Variants in TERF1 observed in about 807,000 individuals in gnomAD.
TERF1 encodes the protein telomeric repeat binding factor 1, also known as telomeric repeat-binding factor 1.
In TERF1, 20 loss-of-function variants were observed where a neutral mutation model predicts 55.1. That is an observed-to-expected ratio of 0.36 (90% CI 0.26 to 0.53). The LOEUF is 0.53. Ranked by LOEUF, TERF1 falls within the 20% of genes least tolerant of loss-of-function variation. The probability of loss-of-function intolerance (pLI) is 0.91; values close to 1 mark genes in which losing one functional copy is unlikely to be tolerated. For synonymous variants in TERF1, 168 were observed against 181.2 expected, an observed-to-expected ratio of 0.93 and a Z score of 0.59; for missense variants, 439 against 535.7, an observed-to-expected ratio of 0.82 and a Z score of 1.78.
At chr8:73,043,456 T>G (rs965603619) in intron 9 of TERF1, 1 of 152,174 alleles carries the variant, frequency 6.6e-6, no homozygotes, top group Non-Finnish European at 1.5e-5. Flanking sequence ...GTGAGCAAAA[T>G]TTTTCTATAA....
chr8:73,027,990 A>G (rs939440579), intron 6 of TERF1, among the ~76,000 whole-genome samples: 2 of 152,190 alleles, frequency 1.3e-5, no homozygotes, highest in African/African-American at 4.8e-5. Flanking sequence ...AGGCTGTACT[A>G]AAGTCTTATT....
intron 2 of TERF1, among the ~76,000 whole-genome samples, chr8:73,017,621 A>C (rs552489417): frequency 6.6e-6 from 1 of 151,974 alleles, no homozygotes; most frequent in Non-Finnish European, 1.5e-5. Flanking sequence ...TCCTACTTAG[A>C]GTTAATACCA....
At chr8:73,028,838 G>A (rs757696532) in intron 6 of TERF1, among the ~76,000 whole-genome samples, 7 of 152,000 alleles carry the variant, frequency 4.6e-5, no homozygotes, top group Admixed American at 1.3e-4. Flanking sequence ...ACTTATCTTC[G>A]TTGGTAACTT....
At chr8:73,037,737 A>T (rs1341556898) in intron 8 of TERF1, among the ~76,000 whole-genome samples, 7 of 83,542 alleles carry the variant, frequency 8.4e-5, no homozygotes, top group African/African-American at 4.2e-4. Flanking sequence ...ATATAGTATG[A>T]AATATATATT....
chr8:73,038,710 A>G (rs1809707308), intron 8 of TERF1: 3 of 923,618 alleles, frequency 3.2e-6, no homozygotes, highest in East Asian at 1.2e-4. Flanking sequence ...TTTCAGTTAC[A>G]TATATTTGTC....
At position 73,039,217 on chromosome 8, in the gene TERF1, C is replaced by A. The variant is rs775002331; in HGVS notation, c.1141C>A (p.Gln381Lys). Residue 381 changes from glutamine (Q) to lysine (K), a missense_variant and splice_region_variant, in exon 9 of 10, where the codon CAG (glutamine) becomes AAG (lysine). Gln to Lys is a moderately conservative substitution (Grantham distance 53, BLOSUM62 1). Transcript: ENST00000276603. Reference sequence around the variant, plus strand: ...TGAAAAACATCGAGCTAGAAAAAGACAGGTATTTGGTTTTTTAAAATTCGA... The same window carrying A: ...TGAAAAACATCGAGCTAGAAAAAGAAAGGTATTTGGTTTTTTAAAATTCGA... ...TPEKHRARKR[Q>K]AWLWEEDKNL... 2.5e-6 allele frequency: 4 copies of A among 1,595,846 alleles called. No homozygotes were observed. In the Admixed American group the frequency reaches 5.2e-5, roughly 21 times the overall value.
chr8:73,030,408 G>C lies in TERF1; in HGVS notation c.947+13G>C, dbSNP rs1452848547. 4.8e-6 allele frequency: 7 copies of C among 1,471,090 alleles called. No homozygotes were observed. The highest frequency in any genetic ancestry group is 6.3e-6 in the Non-Finnish European group (7 of 1,112,020). 91.1% of individuals were successfully genotyped at this position (1,471,090 alleles called of 1,614,324 possible). A position where few individuals can be genotyped will look rare whatever the true frequency, so the allele number is the denominator to read the frequency against. On this transcript the variant is annotated intron_variant, in intron 7 of 9. Transcript: ENST00000276603. ...TATCCTTATTGAGGTGAAGTAAATT[G>C]ACGTTTTTCTTCTTTGTCTTTCAAA...
intron 2 of TERF1, among the ~76,000 whole-genome samples, chr8:73,019,552 A>G (rs1256230186): frequency 1.3e-5 from 2 of 151,952 alleles, no homozygotes; most frequent in Admixed American, 6.6e-5. Context: ...TGCCCTTTGT[A>G]TTTGTTTTTT....
At chr8:73,038,152 T>TCA (rs1809684602) in intron 8 of TERF1, among the ~76,000 whole-genome samples, 3 of 151,516 alleles carry the variant, frequency 2.0e-5, no homozygotes, top group Non-Finnish European at 4.4e-5. Context: ...TCACTTTTGA[T>TCA]AAAGTTATCT....
At chr8:73,021,587 C>G (rs1400508124) in intron 3 of TERF1, among the ~76,000 whole-genome samples, 2 of 152,126 alleles carry the variant, frequency 1.3e-5, no homozygotes, top group Non-Finnish European at 2.9e-5. Context: ...AAAACTCTTA[C>G]ATCCTCATAA....
intron 2 of TERF1, among the ~76,000 whole-genome samples, chr8:73,016,998 T>C (rs537944331): frequency 6.6e-6 from 1 of 152,310 alleles, no homozygotes; most frequent in African/African-American, 2.4e-5. Context: ...CCCATGTCTT[T>C]AGCAATGTGA....
rs893570471 is a variant in TERF1 at position 73,047,276 on chromosome 8, A to C, written c.*1139A>C. 1.3e-5 allele frequency: 2 copies of C among 152,180 alleles called. No individual in the cohort carries two copies. The highest frequency in any genetic ancestry group is 2.9e-5 in the Non-Finnish European group (2 of 68,026). The allele number at this position is 152,180 out of a possible 1,614,324, so 9.4% of individuals were successfully genotyped here. Reference sequence around the variant, plus strand: ...GCAAGAATCATTTTGTGTCTCATTTAGAAACAATTTGACTTTTGTTCCAGT... The same window carrying C: ...GCAAGAATCATTTTGTGTCTCATTTCGAAACAATTTGACTTTTGTTCCAGT... On this transcript the variant is annotated 3_prime_UTR_variant, in exon 10 of 10. Coordinates refer to ENST00000276603, the MANE Select transcript of TERF1 (RefSeq NM_017489.3).
In TERF1 at chr8:73,009,187, A is replaced by G; in HGVS notation, c.301A>G (p.Thr101Ala). The change falls in exon 1 of 10, where the codon ACC becomes GCC. Residue 101 changes from threonine (T) to alanine (A), a missense_variant. By Grantham distance (58) the Thr-to-Ala change is moderately conservative. Around this residue, in one of 4 missense-constraint regions of TERF1, gnomAD observed 179 missense variants for 152.6 expected, o/e 1.17. Transcript: ENST00000276603. ...CGGCCGCTCCGAGGACTTCCGCAGG[A>G]CCCGCAACAGCGCAGAGGGTGAGTG... ...RDGRSEDFRR[T>A]RNSAEAIIHG... The G allele has an allele frequency of 6.2e-7, 1 of 1,610,356 alleles. No individual in the cohort carries two copies. The highest frequency in any genetic ancestry group is 8.5e-7 in the Non-Finnish European group (1 of 1,179,808).
At position 73,009,048 on chromosome 8, in the gene TERF1, C is replaced by T. The variant is rs1808152110; in HGVS notation, c.162C>T (p.Pro54=). The change falls in exon 1 of 10, where the codon CCC becomes CCT. Residue 54 remains proline, a synonymous_variant. Transcript: ENST00000276603. ...LLECQVQVGA[P]EEEEEEEEDA... is the part of the protein sequence containing the mutation. Reference sequence around the variant, plus strand: ...AGTGCCAGGTGCAGGTGGGGGCCCCCGAGGAGGAGGAGGAGGAGGAGGAGG... The same window carrying T: ...AGTGCCAGGTGCAGGTGGGGGCCCCTGAGGAGGAGGAGGAGGAGGAGGAGG... 1.9e-6 allele frequency: 3 copies of T among 1,604,140 alleles called. No individual in the cohort carries two copies. The highest frequency in any genetic ancestry group is 2.6e-6 in the Non-Finnish European group (3 of 1,175,540).
chr8:73,043,403 T>C (rs1405489893), intron 9 of TERF1: 1 of 152,216 alleles, frequency 6.6e-6, no homozygotes, highest in Non-Finnish European at 1.5e-5. Context: ...TAGTTTTCAG[T>C]TAATCTATAC....
At chr8:73,029,907 C>G (rs541991538) in intron 6 of TERF1, 95 of 152,940 alleles carry the variant, frequency 6.2e-4, no homozygotes, top group Non-Finnish European at 1.0e-3. Flanking sequence ...GGAACTTAAT[C>G]GATTCCCAAA....
intron 2 of TERF1, among the ~76,000 whole-genome samples, chr8:73,019,506 A>G (rs1586035384): frequency 6.6e-6 from 1 of 152,256 alleles, no homozygotes; most frequent in East Asian, 1.9e-4. Flanking sequence ...CATCTTTCTA[A>G]GAGTATGCAT....
chr8:73,036,930 A>G (rs960972373), intron 8 of TERF1, among the ~76,000 whole-genome samples: 34 of 140,512 alleles, frequency 2.4e-4, no homozygotes, highest in Non-Finnish European at 5.0e-4. Context: ...TTTTAGTTTA[A>G]TTCTATTTCA....
rs1810058792 is a variant in TERF1 at position 73,046,894 on chromosome 8, T to A, written c.*757T>A. 1 of 152,248 alleles carries A rather than the reference T, an allele frequency of 6.6e-6. No individual in the cohort carries two copies. The allele number at this position is 152,248 out of a possible 1,614,324, so 9.4% of individuals were successfully genotyped here. On this transcript the variant is annotated 3_prime_UTR_variant, in exon 10 of 10. Transcript: ENST00000276603. ...ATACTACTTAATTACTTAAGATGTT[T>A]ATTAATAGAATGATAAATGTACAGA...
Sources: gnomAD v4.1 joint callset for allele counts (sites outside exome capture counted in the v4.1 genomes callset) on GRCh38, gnomAD v4.1.1 for gene constraint, gnomAD v4.1.1 regional missense constraint, MANE v1.5 for transcripts, NCBI Gene and HGNC (gene_info 2026-07-23, HGNC 2026-07-21) for gene names.